OCIAD1: variants seen among roughly 807,000 people sequenced by gnomAD.
The protein encoded by OCIAD1 is OCIA domain-containing protein 1.
Under a neutral mutation model 38.9 loss-of-function variants are expected in OCIAD1, and 29 were observed. The observed-to-expected ratio is 0.74, with a 90% CI of 0.55 to 1.02. OCIAD1 has a LOEUF of 1.02. Among genes scored for constraint, OCIAD1 ranks in the 50% least tolerant of loss-of-function variants. The pLI is 0.00. For synonymous variants in OCIAD1, 110 were observed against 92.0 expected, an observed-to-expected ratio of 1.20 and a Z score of -1.12; for missense variants, 288 against 289.6, an observed-to-expected ratio of 0.99 and a Z score of 0.04.
upstream of OCIAD1, chr4:48,805,200 C>T (rs1338063916): frequency 6.6e-6 from 1 of 152,198 alleles, no homozygotes; most frequent in Non-Finnish European, 1.5e-5. Flanking sequence ...GGACACTCAA[C>T]CAGCACTAAG....
intron 2 of OCIAD1, 108 bp downstream of exon 2, chr4:48,832,790 C>T: frequency 2.6e-6 from 2 of 780,984 alleles, no homozygotes; most frequent in South Asian, 1.4e-5. Context: ...CATGTGCAGA[C>T]AGCGCCCCAT....
upstream of OCIAD1, among the ~76,000 whole-genome samples, chr4:48,827,911 A>C (rs188472960): frequency 2.1e-3 from 316 of 152,192 alleles, 1 homozygote; most frequent in African/African-American, 6.9e-3. Context: ...ACCAATCAGC[A>C]CTCTGTGTCT....
upstream of OCIAD1, among the ~76,000 whole-genome samples, chr4:48,826,313 C>T (rs1180323649): frequency 6.6e-6 from 1 of 152,134 alleles, no homozygotes; most frequent in African/African-American, 2.4e-5. Context: ...CTCCCCACAA[C>T]CCACAACAGG....
chr4:48,810,081 A>T (rs533517775), intron 1 of OCIAD1, among the ~76,000 whole-genome samples: 3 of 152,278 alleles, frequency 2.0e-5, no homozygotes, highest in South Asian at 2.1e-4. Context: ...TACATGTAAC[A>T]TTCTTAGAAC....
At chr4:48,820,013 A>G (rs1209735882) in intron 1 of OCIAD1, among the ~76,000 whole-genome samples, 1 of 152,220 alleles carries the variant, frequency 6.6e-6, no homozygotes, top group Non-Finnish European at 1.5e-5. Flanking sequence ...ATTAACAAGG[A>G]TATTCAGGAT....
chr4:48,859,012 T>G (rs1253073179), intron 8 of OCIAD1, among the ~76,000 whole-genome samples: 1 of 152,220 alleles, frequency 6.6e-6, no homozygotes, highest in Non-Finnish European at 1.5e-5. Flanking sequence ...GATTTTCTAT[T>G]TACTACTTTA....
intron 4 of OCIAD1, among the ~76,000 whole-genome samples, chr4:48,843,663 T>G (rs1467830256): frequency 6.6e-6 from 1 of 152,172 alleles, no homozygotes; most frequent in African/African-American, 2.4e-5. Context: ...TATATGTCCT[T>G]AAGACTAAGC....
chr4:48,831,383 G>T, intron 1 of OCIAD1, 134 bp downstream of exon 1: 1 of 734,846 alleles, frequency 1.4e-6, no homozygotes, highest in Non-Finnish European at 2.1e-6. Flanking sequence ...CTCGGGTCTC[G>T]GCCTCCTGAG....
chr4:48,826,531 A>G (rs1777252652), upstream of OCIAD1, among the ~76,000 whole-genome samples: 1 of 152,048 alleles, frequency 6.6e-6, no homozygotes, highest in African/African-American at 2.4e-5. Flanking sequence ...TATATTTTCA[A>G]TTCTTCTCTT....
At chr4:48,849,735 T>G (rs1329821803) in intron 5 of OCIAD1, among the ~76,000 whole-genome samples, 1 of 152,164 alleles carries the variant, frequency 6.6e-6, no homozygotes, top group Non-Finnish European at 1.5e-5. Context: ...TTGGCACACT[T>G]TTTTTGGAAA....
chr4:48,829,372 G>T (rs1423754203), upstream of OCIAD1, among the ~76,000 whole-genome samples: 1 of 150,234 alleles, frequency 6.7e-6, no homozygotes, highest in East Asian at 1.9e-4. Flanking sequence ...TCTTATTTTT[G>T]TTTTTTCTCC....
intron 1 of OCIAD1, among the ~76,000 whole-genome samples, chr4:48,818,673 C>A (rs939104548): frequency 1.3e-5 from 2 of 152,058 alleles, no homozygotes; most frequent in Admixed American, 6.6e-5. Context: ...AGCTAAGAAC[C>A]TTGATAAAGG....
chr4:48,829,692 G>C (rs1777329865), upstream of OCIAD1, among the ~76,000 whole-genome samples: 1 of 152,184 alleles, frequency 6.6e-6, no homozygotes, highest in Admixed American at 6.5e-5. Flanking sequence ...CAGTGGTCTA[G>C]AAGAGGGAAC....
intron 8 of OCIAD1, among the ~76,000 whole-genome samples, chr4:48,859,242 A>G (rs1481179248): frequency 1.3e-5 from 2 of 152,176 alleles, no homozygotes; most frequent in Non-Finnish European, 2.9e-5. Flanking sequence ...TACCTTTGAA[A>G]TGAATTAGGG....
upstream of OCIAD1, among the ~76,000 whole-genome samples, chr4:48,826,081 G>A (rs1309614220): frequency 3.9e-5 from 6 of 151,970 alleles, no homozygotes; most frequent in South Asian, 2.1e-4. Context: ...CAAGTGATCC[G>A]CCCATCTCAG....
upstream of OCIAD1, among the ~76,000 whole-genome samples, chr4:48,830,825 G>C (rs143872176): frequency 6.6e-6 from 1 of 152,298 alleles, no homozygotes; most frequent in African/African-American, 2.4e-5. Context: ...GAGAAGACCA[G>C]AGAGGTGCAT....
rs1490628149 is a variant in OCIAD1 at position 48,851,827 on chromosome 4, A to G, written c.399A>G (p.Lys133=). ...SPPGHYYQKS[K]YDSSVSGQSS... ...ACAGGCACTATTATCAAAAGTCAAA[A>G]TATGACTCAAGTGTGAGTGGTCAAT... is the stretch of plus-strand genomic sequence containing the variant. The change falls in exon 7 of 9, where the codon AAA becomes AAG. Residue 133 remains lysine (K), a synonymous_variant. Coordinates refer to ENST00000264312, the MANE Select transcript of OCIAD1 (RefSeq NM_017830.4). 1 of 1,610,462 alleles carries G rather than the reference A, an allele frequency of 6.2e-7. No homozygotes were observed. Among genetic ancestry groups the G allele is most frequent in the Admixed American group, 1.7e-5 (1 of 59,834 alleles).
At chr4:48,860,481 G>T (rs192738166) in intron 8 of OCIAD1, among the ~76,000 whole-genome samples, 76 of 152,024 alleles carry the variant, frequency 5.0e-4, no homozygotes, top group African/African-American at 1.7e-3. Context: ...ATTAAAATGA[G>T]AATTGTGTTT....
intron 6 of OCIAD1, among the ~76,000 whole-genome samples, chr4:48,850,961 C>A (rs1010177803): frequency 6.6e-6 from 1 of 152,168 alleles, no homozygotes; most frequent in Non-Finnish European, 1.5e-5. Flanking sequence ...TTGGCAAACA[C>A]CTTTGGTTAC....
Sources: gnomAD v4.1 joint callset for allele counts (sites outside exome capture counted in the v4.1 genomes callset) on GRCh38, gnomAD v4.1.1 for gene constraint, MANE v1.5 for transcripts, NCBI Gene and HGNC (gene_info 2026-07-23, HGNC 2026-07-21) for gene names.